The following HTRA1 variants were observed in gnomAD, a reference collection of about 807,000 sequenced individuals.
HTRA1 encodes HtrA serine peptidase 1.
A neutral mutation model predicts 49.7 loss-of-function variants in HTRA1; 26 were observed. The ratio of observed to expected loss-of-function variants is 0.52; its 90% CI spans 0.38 to 0.73. HTRA1 has a LOEUF of 0.73. HTRA1 is among the 30% of genes least tolerant of loss of function. HTRA1 has a pLI of 0.00. For missense variants in HTRA1, 561 were observed against 667.2 expected (o/e 0.84, Z 1.75); for synonymous variants, 291 against 286.9 (o/e 1.01, Z -0.14).
At chr10:122,468,706 T>C (rs2097484858) in intron 1 of HTRA1, among the ~76,000 whole-genome samples, 1 of 152,210 alleles carries the variant, frequency 6.6e-6, no homozygotes, top group Admixed American at 6.5e-5. Context: ...GTGTGGCTTC[T>C]CTTGAATTAA....
At chr10:122,477,396 A>C (rs2097489130) in intron 1 of HTRA1, among the ~76,000 whole-genome samples, 1 of 152,278 alleles carries the variant, frequency 6.6e-6, no homozygotes, top group Non-Finnish European at 1.5e-5. Context: ...ACCCCAGGAA[A>C]TTCTGGGTGT....
chr10:122,465,526 C>T lies in HTRA1; in HGVS notation c.472+3402C>T, dbSNP rs1412000059. Among the ~76,000 whole-genome samples, 7 of 152,282 alleles carry T rather than the reference C, an allele frequency of 4.6e-5. No individual in the cohort carries two copies. The South Asian group carries it at 1.2e-3, about 27-fold the overall frequency. On this transcript the variant is annotated intron_variant, in intron 1 of 8. Transcript: ENST00000368984. ...GGATGGAGAGCCTCGTTCATAACCACCATGCTGTGCTGTTGACAGAGCAAC... is the reference window on the plus strand; with the variant it reads ...GGATGGAGAGCCTCGTTCATAACCATCATGCTGTGCTGTTGACAGAGCAAC...
In HTRA1 at chr10:122,506,582, G is replaced by A. The variant is rs528899900; in HGVS notation, c.778-109G>A. The A allele has an allele frequency of 2.1e-6, 2 of 972,220 alleles. No individual in the cohort carries two copies. The highest frequency in any genetic ancestry group is 2.4e-5 in the East Asian group (1 of 40,880). The allele number at this position is 972,220 out of a possible 1,614,324, so 60.2% of individuals were successfully genotyped here. A position where few individuals can be genotyped will look rare whatever the true frequency, so the allele number is the denominator to read the frequency against. ...AGCTCAGTTCCCCACCGGGCCTGGTGTTTCCAAATAGCCCGTCACTGTCCC... is the reference window on the plus strand; with the variant it reads ...AGCTCAGTTCCCCACCGGGCCTGGTATTTCCAAATAGCCCGTCACTGTCCC... On this transcript the variant is annotated intron_variant, in intron 3 of 8. Transcript: ENST00000368984. The surrounding 1 kb of genome is among the most constrained non-coding windows in gnomAD (Gnocchi z 5.2).
Position 122,462,090 on chromosome 10 carries a change from G to A in HTRA1, c.438G>A (p.Pro146=). 2.0e-6 allele frequency: 3 copies of A among 1,534,376 alleles called. No individual in the cohort carries two copies. The highest frequency in any genetic ancestry group is 2.6e-6 in the Non-Finnish European group (3 of 1,146,554). Residue 146 remains proline (P), a synonymous_variant, in exon 1 of 9, where the codon CCG becomes CCA. Transcript: ENST00000368984. ...SRRSERLHRP[P]VIVLQRGACG... is the part of the protein sequence containing the mutation. ...GCTCCGAGAGGCTGCACCGGCCGCC[G>A]GTCATCGTCCTGCAGCGCGGAGCCT... is the stretch of plus-strand genomic sequence containing the variant.
chr10:122,505,953 T>G (rs1444268876), intron 3 of HTRA1, among the ~76,000 whole-genome samples: 1 of 152,202 alleles, frequency 6.6e-6, no homozygotes, highest in East Asian at 1.9e-4. Flanking sequence ...CAGAGTTGTT[T>G]GAGACTCCTG....
intron 7 of HTRA1, among the ~76,000 whole-genome samples, chr10:122,511,699 C>T (rs1294261303): frequency 6.6e-6 from 1 of 150,766 alleles, no homozygotes; most frequent in African/African-American, 2.4e-5. Context: ...TACCACTGCA[C>T]TCCAGCCTGG....
intron 8 of HTRA1, among the ~76,000 whole-genome samples, chr10:122,513,025 C>T (rs927268297): frequency 3.9e-5 from 6 of 152,184 alleles, no homozygotes; most frequent in Admixed American, 3.9e-4. Flanking sequence ...TCAGTGTCCA[C>T]TGTAATTTGG....
In HTRA1 at chr10:122,508,765, C is replaced by T. The variant is rs1290946745; in HGVS notation, c.1115C>T (p.Ala372Val). 1.6e-5 allele frequency: 26 copies of T among 1,599,838 alleles called. No homozygotes were observed. Among genetic ancestry groups the T allele is most frequent in the Non-Finnish European group, 2.1e-5 (25 of 1,166,998 alleles). The change falls in exon 6 of 9, where the codon GCC becomes GTC. Residue 372 changes from alanine (A) to valine (V), a missense_variant. Ala to Val is a moderately conservative substitution (Grantham distance 64). Transcript: ENST00000368984. ...KFLTESHDRQ[A>V]KGKAITKKKY... ...CTCACGGAGTCCCATGACCGACAGG[C>T]CAAAGGTAGGCAAGGCCCACACAGC...
At chr10:122,476,913 C>T (rs2097488740) in intron 1 of HTRA1, among the ~76,000 whole-genome samples, 1 of 149,910 alleles carries the variant, frequency 6.7e-6, no homozygotes, top group Non-Finnish European at 1.5e-5. Context: ...GGAGTCCCAT[C>T]TGGATTTGGG....
intron 5 of HTRA1, 120 bp downstream of exon 5, chr10:122,507,522 G>A: frequency 2.5e-6 from 2 of 792,640 alleles, no homozygotes; most frequent in Admixed American, 1.9e-5. Flanking sequence ...ACATAAGGTT[G>A]CCAAAGTGTA....
chr10:122,491,068 C>T (rs542055011), intron 3 of HTRA1, among the ~76,000 whole-genome samples: 70 of 152,170 alleles, frequency 4.6e-4, no homozygotes, highest in Non-Finnish European at 5.0e-4. Context: ...GAATTTCTAG[C>T]GACAACTAAT....
rs1242008422 is a variant in HTRA1 at position 122,506,331 on chromosome 10, T to C, written c.778-360T>C. Among the ~76,000 whole-genome samples, 6 of 152,258 alleles carry C rather than the reference T, an allele frequency of 3.9e-5. No individual in the cohort carries two copies. In the Middle Eastern group the frequency reaches 0.017, roughly 432 times the overall value. ...CAGCAGTCTCACCCCAAACCCTAAA[T>C]TCATGTTGTCTTCCTCTGTCTCTTG... On this transcript the variant is annotated intron_variant, in intron 3 of 8. Coordinates refer to ENST00000368984, the MANE Select transcript of HTRA1 (RefSeq NM_002775.5). This position sits in a 1 kb window ranked among gnomAD's most constrained non-coding sequence, Gnocchi z 5.2.
chr10:122,510,568 T>C (rs1021251351), intron 7 of HTRA1, among the ~76,000 whole-genome samples: 9 of 152,150 alleles, frequency 5.9e-5, no homozygotes, highest in Admixed American at 1.3e-4. Flanking sequence ...GCTCTGCAGC[T>C]CGTGGGCCGC....
At position 122,487,995 on chromosome 10, in the gene HTRA1, C is replaced by T. The variant is rs180880696; in HGVS notation, c.473-907C>T. ...TCTTATGCCTTTTGTCTGGGATGTC[C>T]CGGGCAGGGTTGGAACGTGTGGTTA... On this transcript the variant is annotated intron_variant, in intron 1 of 8. Coordinates refer to ENST00000368984, the MANE Select transcript of HTRA1 (RefSeq NM_002775.5). The surrounding 1 kb of genome is among the most constrained non-coding windows in gnomAD (Gnocchi z 4.8). Among the ~76,000 whole-genome samples the T allele has an allele frequency of 2.0e-4, 31 of 152,190 alleles. No homozygotes were observed. Among genetic ancestry groups the T allele is most frequent in the African/African-American group, 6.3e-4 (26 of 41,512 alleles).
intron 6 of HTRA1, 68 bp from the exon 7 acceptor site, chr10:122,510,028 G>T (rs2097504897): frequency 2.2e-6 from 3 of 1,377,054 alleles, no homozygotes; most frequent in Admixed American, 3.4e-5. Context: ...TGGGCCCCCG[G>T]CCCCTGGTGT....
At chr10:122,483,520 C>T (rs373539892) in intron 1 of HTRA1, among the ~76,000 whole-genome samples, 27 of 152,302 alleles carry the variant, frequency 1.8e-4, no homozygotes, top group African/African-American at 5.8e-4. Flanking sequence ...CTGTATAAGT[C>T]ATTCAGTTTT....
chr10:122,504,316 C>T (rs1276663605), intron 3 of HTRA1, among the ~76,000 whole-genome samples: 1 of 152,182 alleles, frequency 6.6e-6, no homozygotes, highest in African/African-American at 2.4e-5. Flanking sequence ...TCTGAGGTCT[C>T]CTGAGACATA....
chr10:122,488,069 T>G (rs982053223), intron 1 of HTRA1, among the ~76,000 whole-genome samples: 2 of 152,134 alleles, frequency 1.3e-5, no homozygotes, highest in Admixed American at 1.3e-4. Flanking sequence ...TCAGCTTGCC[T>G]TGGGGTGTCA....
chr10:122,498,060 G>A (rs1253264524), intron 3 of HTRA1, among the ~76,000 whole-genome samples: 1 of 152,230 alleles, frequency 6.6e-6, no homozygotes, highest in African/African-American at 2.4e-5. Context: ...CTGATATAGT[G>A]TAAAGGAGAC....
Sources: allele counts gnomAD v4.1 joint callset (sites outside exome capture counted in the v4.1 genomes callset), GRCh38; gene constraint gnomAD v4.1.1; non-coding constraint Gnocchi (gnomAD v3.1); transcripts MANE v1.5; gene names NCBI Gene and HGNC (gene_info 2026-07-23, HGNC 2026-07-21).